STK32B: variants seen among roughly 807,000 people sequenced by gnomAD.
The protein encoded by STK32B is serine/threonine-protein kinase 32B.
A neutral mutation model predicts 52.6 loss-of-function variants in STK32B; 43 were observed. The observed-to-expected ratio is 0.82, with a 90% confidence interval of 0.64 to 1.05. The LOEUF is 1.05. STK32B is among the 50% of genes least tolerant of loss of function. STK32B has a pLI of 0.00. For synonymous variants in STK32B, 238 were observed against 204.3 expected (o/e 1.17, Z -1.41); for missense variants, 621 against 534.6 (o/e 1.16, Z -1.59).
chr4:5,154,733 CTG>C (rs769005624), intron 2 of STK32B, among the ~76,000 whole-genome samples: 10 of 152,214 alleles, frequency 6.6e-5, no homozygotes, highest in Non-Finnish European at 1.5e-4. Flanking sequence ...CTCCATGTGA[CTG>C]AGATTCCCAA....
chr4:5,428,613 TG>T (rs1020272322), intron 6 of STK32B, among the ~76,000 whole-genome samples: 26 of 152,328 alleles, frequency 1.7e-4, no homozygotes, highest in African/African-American at 5.8e-4. Flanking sequence ...TGCAAAAATA[TG>T]TATTGTCTTC....
At chr4:5,488,702 T>A (rs1719430816) in intron 11 of STK32B, among the ~76,000 whole-genome samples, 1 of 152,146 alleles carries the variant, frequency 6.6e-6, no homozygotes, top group South Asian at 2.1e-4. Flanking sequence ...ACAAGATTCT[T>A]TCTCATTCAA....
At chr4:5,415,197 T>G (rs195104) in intron 5 of STK32B, among the ~76,000 whole-genome samples, 39 of 152,064 alleles carry the variant, frequency 2.6e-4, no homozygotes, top group African/African-American at 8.0e-4. Context: ...CAAACACTTA[T>G]GAGAAGCTTC....
chr4:5,490,701 T>C (rs531587908), intron 11 of STK32B, among the ~76,000 whole-genome samples: 11 of 152,244 alleles, frequency 7.2e-5, no homozygotes, highest in African/African-American at 2.6e-4. Context: ...ATTAGGTATA[T>C]CTCCTAAAGC....
chr4:5,181,682 A>G lies in STK32B; in HGVS notation c.260+13232A>G, dbSNP rs112693120. On this transcript the variant is annotated intron_variant, in intron 3 of 11. Coordinates refer to ENST00000282908, the MANE Select transcript of STK32B (RefSeq NM_018401.3). ...CATACTGTAGTCGATTAAGTGTGCA[A>G]TAGAATTATGTCTAAAAAACAAGGT... Among the ~76,000 whole-genome samples, 23 of 152,256 alleles carry G rather than the reference A, an allele frequency of 1.5e-4. 1 individual carries two copies. Among genetic ancestry groups the G allele is most frequent in the African/African-American group, 5.1e-4 (21 of 41,468 alleles).
chr4:5,249,717 G>A (rs140758392), intron 3 of STK32B, among the ~76,000 whole-genome samples: 2 of 152,040 alleles, frequency 1.3e-5, no homozygotes, highest in African/African-American at 2.4e-5. Context: ...TATTTCCCAC[G>A]GTCTTAAAAA....
chr4:5,489,621 A>ATTTATTTTTTTTTTT (rs1719532914), intron 11 of STK32B, among the ~76,000 whole-genome samples: 1 of 151,590 alleles, frequency 6.6e-6, no homozygotes, highest in Non-Finnish European at 1.5e-5. Flanking sequence ...TATTTTATTT[A>ATTTATTTTTTTTTTT]TTTTTTATTA....
chr4:5,134,867 A>G (rs1283367489), intron 1 of STK32B, among the ~76,000 whole-genome samples: 1 of 152,182 alleles, frequency 6.6e-6, no homozygotes, highest in Non-Finnish European at 1.5e-5. Flanking sequence ...TCCATTAGAG[A>G]TTGTTTGAAA....
intron 9 of STK32B, among the ~76,000 whole-genome samples, chr4:5,463,487 C>T (rs1717191211): frequency 6.6e-6 from 1 of 152,174 alleles, no homozygotes; most frequent in Non-Finnish European, 1.5e-5. Flanking sequence ...CTCAGTCACA[C>T]TCACACATAG....
At chr4:5,257,089 G>A (rs986670908) in intron 3 of STK32B, among the ~76,000 whole-genome samples, 2 of 152,224 alleles carry the variant, frequency 1.3e-5, no homozygotes, top group Admixed American at 6.5e-5. Flanking sequence ...GTGAGTGAAT[G>A]AATGAATGAG....
intron 4 of STK32B, among the ~76,000 whole-genome samples, chr4:5,345,165 A>G (rs188733146): frequency 1.3e-5 from 2 of 151,800 alleles, no homozygotes; most frequent in East Asian, 1.9e-4. Context: ...ATTGAATTCA[A>G]TAAGAAAATT....
At chr4:5,150,819 T>C (rs1717304245) in intron 2 of STK32B, among the ~76,000 whole-genome samples, 1 of 152,302 alleles carries the variant, frequency 6.6e-6, no homozygotes, top group African/African-American at 2.4e-5. Context: ...TCATGAACAG[T>C]GGCTGAACTT....
At chr4:5,301,227 A>G (rs1334137507) in intron 3 of STK32B, among the ~76,000 whole-genome samples, 1 of 152,020 alleles carries the variant, frequency 6.6e-6, no homozygotes, top group African/African-American at 2.4e-5. Flanking sequence ...GGATATTGAT[A>G]CGTAGTTTTC....
the STK32B span, among the ~76,000 whole-genome samples, chr4:5,031,345 T>C: frequency 1.3e-5 from 2 of 152,192 alleles, no homozygotes; most frequent in Non-Finnish European, 2.9e-5. Context: ...CACTTATCTT[T>C]GAACTTTACT....
At chr4:5,390,512 C>T (rs527649518) in intron 4 of STK32B, among the ~76,000 whole-genome samples, 34 of 152,264 alleles carry the variant, frequency 2.2e-4, no homozygotes, top group African/African-American at 7.5e-4. Flanking sequence ...TTCAGTAACC[C>T]TTTTCTGAAT....
At chr4:5,122,133 C>G (rs1715061077) in intron 1 of STK32B, among the ~76,000 whole-genome samples, 1 of 151,388 alleles carries the variant, frequency 6.6e-6, no homozygotes, top group Non-Finnish European at 1.5e-5. Flanking sequence ...TTCACTGTTT[C>G]ACTCACACAC....
intron 3 of STK32B, among the ~76,000 whole-genome samples, chr4:5,231,346 C>G (rs1173598707): frequency 6.6e-6 from 1 of 152,190 alleles, no homozygotes; most frequent in Non-Finnish European, 1.5e-5. Context: ...TGCAGTGGCT[C>G]ACACCTATAA....
intron 4 of STK32B, among the ~76,000 whole-genome samples, chr4:5,335,746 C>T (rs926226873): frequency 3.3e-5 from 5 of 152,048 alleles, no homozygotes; most frequent in African/African-American, 1.2e-4. Flanking sequence ...ACCCGGTAGT[C>T]TTTCAGGAGC....
chr4:5,483,951 GAC>G (rs1270592505), intron 11 of STK32B, among the ~76,000 whole-genome samples: 5 of 152,178 alleles, frequency 3.3e-5, no homozygotes, highest in Admixed American at 6.6e-5. Flanking sequence ...TGGTCTGAGA[GAC>G]AGTTTGTTAT....
Sources: allele counts gnomAD v4.1 joint callset (sites outside exome capture counted in the v4.1 genomes callset), GRCh38; gene constraint gnomAD v4.1.1; transcripts MANE v1.5; gene names NCBI Gene and HGNC (gene_info 2026-07-23, HGNC 2026-07-21).